Variants in MPDZ observed in about 807,000 individuals in gnomAD.
The protein encoded by MPDZ is multiple PDZ domain protein.
MPDZ carries 234 observed loss-of-function variants against 239.1 expected under a neutral mutation model. The observed-to-expected ratio is 0.98, with a 90% CI of 0.88 to 1.09. The LOEUF is 1.09. Among genes scored for constraint, MPDZ ranks in the 50% least tolerant of loss-of-function variants. The pLI, the probability that MPDZ is intolerant of heterozygous loss-of-function variation, is 0.00. For synonymous variants in MPDZ, 1,048 were observed against 881.3 expected (o/e 1.19, Z -3.35); for missense variants, 3,175 against 2,510.0 (o/e 1.26, Z -5.66).
At chr9:13,135,280 A>C (rs1946572549) in intron 31 of MPDZ, 2 of 152,210 alleles carry the variant, frequency 1.3e-5, no homozygotes, top group Admixed American at 1.3e-4. Context: ...ATCTGGTATA[A>C]GGCAGAGTAC....
At chr9:13,205,213 T>A in intron 11 of MPDZ, 106 bp from the exon 12 acceptor site, 1 of 564,846 alleles carries the variant, frequency 1.8e-6, no homozygotes, top group Non-Finnish European at 2.9e-6. Flanking sequence ...GAATCTGTTT[T>A]TCAGAGATAA....
intron 8 of MPDZ, among the ~76,000 whole-genome samples, chr9:13,219,053 T>C (rs926822275): frequency 7.9e-5 from 12 of 151,954 alleles, no homozygotes; most frequent in Non-Finnish European, 1.5e-4. Flanking sequence ...TTCTAAGACA[T>C]ACTTTAAAAC....
At chr9:13,166,562 A>T (rs1275600169) in intron 22 of MPDZ, among the ~76,000 whole-genome samples, 1 of 152,038 alleles carries the variant, frequency 6.6e-6, no homozygotes, top group Non-Finnish European at 1.5e-5. Context: ...CGAGAGAGAG[A>T]CTCACTGACT....
chr9:13,176,849 C>T (rs1038122514), intron 19 of MPDZ, among the ~76,000 whole-genome samples: 1 of 152,042 alleles, frequency 6.6e-6, no homozygotes, highest in Non-Finnish European at 1.5e-5. Flanking sequence ...AAAAGTATGA[C>T]ATTAATTGAT....
At chr9:13,127,500 T>C (rs564756043) in intron 32 of MPDZ, among the ~76,000 whole-genome samples, 101 of 152,374 alleles carry the variant, frequency 6.6e-4, no homozygotes, top group African/African-American at 2.4e-3. Context: ...AACATTTTCA[T>C]TGCCAGAGCT....
At chr9:13,142,025 A>T (rs1463067792) in intron 27 of MPDZ, among the ~76,000 whole-genome samples, 13 of 152,178 alleles carry the variant, frequency 8.5e-5, no homozygotes, top group Non-Finnish European at 1.9e-4. Context: ...TTATCATAGT[A>T]AAGAGGAGCA....
chr9:13,260,471 G>T (rs1268290791), intron 1 of MPDZ, among the ~76,000 whole-genome samples: 1 of 152,172 alleles, frequency 6.6e-6, no homozygotes, highest in Non-Finnish European at 1.5e-5. Context: ...TTCTAGAAAT[G>T]TCTGCCCTAA....
At chr9:13,212,348 A>G (rs1396034201) in intron 10 of MPDZ, among the ~76,000 whole-genome samples, 3 of 152,090 alleles carry the variant, frequency 2.0e-5, no homozygotes, top group Non-Finnish European at 4.4e-5. Flanking sequence ...CATCTGTATT[A>G]TGGAAATAAG....
chr9:13,220,757 A>G (rs1480755021), intron 7 of MPDZ, among the ~76,000 whole-genome samples: 1 of 152,004 alleles, frequency 6.6e-6, no homozygotes, highest in African/African-American at 2.4e-5. Context: ...TTATTTTTTA[A>G]AAAGTTATAA....
rs1287668122 is a variant in MPDZ at position 13,222,311 on chromosome 9, G to A, written c.669C>T (p.Gly223=). 3.1e-6 allele frequency: 5 copies of A among 1,612,860 alleles called. No homozygotes were observed. In the South Asian group the frequency reaches 5.5e-5, roughly 18 times the overall value. Residue 223 remains glycine, a synonymous_variant, in exon 6 of 47, where the codon GGC becomes GGT. Transcript: ENST00000319217. The part of the protein sequence containing the change: ...KDTVQLVIAR[G]SLPQLVSPIV... The stretch of plus-strand genomic sequence containing the variant: ...TGGGGCTGACAAGCTGAGGCAATGA[G>A]CCTCTGGCAATAACTAGCTGGACAG...
chr9:13,111,559 G>A (rs1942475075), intron 43 of MPDZ, among the ~76,000 whole-genome samples: 1 of 152,164 alleles, frequency 6.6e-6, no homozygotes, highest in Non-Finnish European at 1.5e-5. Flanking sequence ...TAATCCCTCA[G>A]CTTTGAGGCA....
chr9:13,183,204 C>G (rs752173749), intron 19 of MPDZ, among the ~76,000 whole-genome samples: 25 of 152,038 alleles, frequency 1.6e-4, no homozygotes, highest in Non-Finnish European at 1.3e-4. Flanking sequence ...ATCTATCATT[C>G]TCAGACACTA....
chr9:13,261,601 T>C (rs181977920), intron 1 of MPDZ, among the ~76,000 whole-genome samples: 4 of 152,278 alleles, frequency 2.6e-5, no homozygotes, highest in South Asian at 4.1e-4. Flanking sequence ...ACAGGAGAGA[T>C]AGTTACATCA....
intron 14 of MPDZ, among the ~76,000 whole-genome samples, chr9:13,192,682 G>C (rs144616246): frequency 2.6e-5 from 4 of 152,186 alleles, no homozygotes; most frequent in African/African-American, 7.2e-5. Flanking sequence ...TTGTATGCTA[G>C]TGTACTTTAA....
At chr9:13,133,200 G>A (rs904854689) in intron 32 of MPDZ, among the ~76,000 whole-genome samples, 2 of 152,114 alleles carry the variant, frequency 1.3e-5, no homozygotes, top group African/African-American at 2.4e-5. Flanking sequence ...AATCAGAAAG[G>A]GAAAGAGGAA....
At chr9:13,141,557 C>T (rs1947686622) in intron 27 of MPDZ, among the ~76,000 whole-genome samples, 1 of 152,146 alleles carries the variant, frequency 6.6e-6, no homozygotes, top group Non-Finnish European at 1.5e-5. Flanking sequence ...TCCTCTGATA[C>T]AATGTTTTAT....
intron 22 of MPDZ, chr9:13,165,395 G>A: frequency 1.9e-6 from 3 of 1,549,474 alleles, no homozygotes; most frequent in East Asian, 2.4e-5. Context: ...TCGTCAGCAG[G>A]TGCTGCAGAA....
chr9:13,236,323 G>C (rs2137059259), intron 3 of MPDZ, among the ~76,000 whole-genome samples: 1 of 132,316 alleles, frequency 7.6e-6, no homozygotes, highest in African/African-American at 2.9e-5. Flanking sequence ...TGTTGCCCAG[G>C]CTGGAGTGCG....
chr9:13,203,771 C>CAG (rs1228556263), intron 12 of MPDZ, among the ~76,000 whole-genome samples: 51 of 114,302 alleles, frequency 4.5e-4, no homozygotes, highest in African/African-American at 1.6e-3. Flanking sequence ...CACACACACA[C>CAG]ACAGAGAGAG....
Sources: gnomAD v4.1 joint callset for allele counts (sites outside exome capture counted in the v4.1 genomes callset) on GRCh38, gnomAD v4.1.1 for gene constraint, MANE v1.5 for transcripts, NCBI Gene and HGNC (gene_info 2026-07-23, HGNC 2026-07-21) for gene names.